The following EIF2S2 variants were observed in gnomAD, a reference collection of about 807,000 sequenced individuals.
The protein encoded by EIF2S2 is eukaryotic translation initiation factor 2 subunit 2.
Under a neutral mutation model 44.0 loss-of-function variants are expected in EIF2S2, and 4 were observed. That is an observed-to-expected ratio of 0.09 (90% confidence interval 0.04 to 0.21). The LOEUF is 0.21. Ranked by LOEUF, EIF2S2 falls within the 10% of genes least tolerant of loss-of-function variation. The probability of loss-of-function intolerance (pLI) is 1.00; values close to 1 mark genes in which losing one functional copy is unlikely to be tolerated. For synonymous variants in EIF2S2, 108 were observed against 128.3 expected (o/e 0.84, Z 1.07); for missense variants, 154 against 392.0 (o/e 0.39, Z 5.13).
chr20:34,106,728 C>T (rs558700552), intron 1 of EIF2S2, among the ~76,000 whole-genome samples: 1 of 152,194 alleles, frequency 6.6e-6, no homozygotes, highest in Non-Finnish European at 1.5e-5. Flanking sequence ...CATGCCTTGC[C>T]CCAAAATTCT....
chr20:34,091,115 A>G (rs2034157186), intron 7 of EIF2S2, among the ~76,000 whole-genome samples: 1 of 152,172 alleles, frequency 6.6e-6, no homozygotes, highest in Admixed American at 6.6e-5. Context: ...ATCAAATCCA[A>G]TTAAATCTCC....
intron 6 of EIF2S2, among the ~76,000 whole-genome samples, chr20:34,095,438 G>A (rs751979995): frequency 7.9e-5 from 12 of 151,494 alleles, no homozygotes; most frequent in Admixed American, 4.6e-4. Flanking sequence ...TCAGCCTCCC[G>A]AGTAGCGGGA....
At position 34,099,578 on chromosome 20, in the gene EIF2S2, C is replaced by G. The variant is rs552515122; in HGVS notation, c.298-945G>C. Among the ~76,000 whole-genome samples the G allele has an allele frequency of 1.6e-4, 25 of 152,292 alleles. No individual in the cohort carries two copies. In the East Asian group the frequency reaches 4.6e-3, roughly 28 times the overall value. On this transcript the variant is annotated intron_variant, in intron 3 of 8. Transcript: ENST00000374980. ...TCCTCCAGTTTATTTCAGACACACA[C>G]TATCCAGAGTTATCATCAGATTTCA...
chr20:34,092,937 C>T (rs2034184483), intron 7 of EIF2S2, among the ~76,000 whole-genome samples: 1 of 152,180 alleles, frequency 6.6e-6, no homozygotes, highest in South Asian at 2.1e-4. Context: ...CCAACTACAA[C>T]TTCACTTTAC....
At chr20:34,099,659 C>T (rs1461456428) in intron 3 of EIF2S2, among the ~76,000 whole-genome samples, 1 of 152,152 alleles carries the variant, frequency 6.6e-6, no homozygotes, top group East Asian at 1.9e-4. Flanking sequence ...CCAGTCACCA[C>T]GTATTGGGTT....
At chr20:34,101,392 C>A (rs1265431463) in intron 3 of EIF2S2, among the ~76,000 whole-genome samples, 1 of 152,118 alleles carries the variant, frequency 6.6e-6, no homozygotes, top group Admixed American at 6.5e-5. Context: ...ACCGAGATTG[C>A]GCCACTGCAC....
chr20:34,107,267 T>C (rs1601539889), intron 1 of EIF2S2, among the ~76,000 whole-genome samples: 1 of 152,256 alleles, frequency 6.6e-6, no homozygotes, highest in East Asian at 1.9e-4. Context: ...CTTACCAATC[T>C]CTCTCCATAT....
intron 4 of EIF2S2, among the ~76,000 whole-genome samples, chr20:34,097,943 T>A (rs1010491037): frequency 2.0e-5 from 3 of 152,096 alleles, no homozygotes; most frequent in Non-Finnish European, 4.4e-5. Flanking sequence ...GTTTAAAAAA[T>A]TTTTTTAATT....
intron 1 of EIF2S2, among the ~76,000 whole-genome samples, chr20:34,110,000 C>A (rs1257571334): frequency 2.0e-5 from 3 of 147,982 alleles, no homozygotes; most frequent in Non-Finnish European, 4.4e-5. Flanking sequence ...TCAGGAGAGG[C>A]TGAGGCAGGA....
rs140108373 is a variant in EIF2S2, at chr20:34,093,378, T to C, written c.740+297A>G. Among the ~76,000 whole-genome samples, 7 of 152,366 alleles carry C rather than the reference T, an allele frequency of 4.6e-5. No individual in the cohort carries two copies. The East Asian group carries it at 1.3e-3, about 29-fold the overall frequency. On this transcript the variant is annotated intron_variant, in intron 7 of 8. Transcript: ENST00000374980. ...AAAACCAATTCCTCTAAAAATCTAA[T>C]ATTTGCTCCATAAAAAGACTCAAGA...
chr20:34,096,930 C>G (rs1264797617), intron 5 of EIF2S2, 125 bp from the exon 6 acceptor site: 8 of 1,083,450 alleles, frequency 7.4e-6, no homozygotes, highest in Non-Finnish European at 1.1e-5. Flanking sequence ...TGCATTACTA[C>G]AAGTCTGGGA....
Position 34,098,483 on chromosome 20 carries a change from A to G in EIF2S2, c.433+15T>C, listed in dbSNP as rs2034257976. ...TGAGTAACCTCTAAATGTGCTGCTG[A>G]GTCCTCAGCATTACCTTCATCTTTC... On this transcript the variant is annotated intron_variant, in intron 4 of 8. Transcript: ENST00000374980. The G allele has an allele frequency of 6.2e-7, 1 of 1,612,028 alleles. No individual in the cohort carries two copies. The highest frequency in any genetic ancestry group is 8.5e-7 in the Non-Finnish European group (1 of 1,179,606).
At chr20:34,096,064 TC>T (rs544619680) in intron 6 of EIF2S2, among the ~76,000 whole-genome samples, 240 of 152,276 alleles carry the variant, frequency 1.6e-3, no homozygotes, top group African/African-American at 5.3e-3. Flanking sequence ...TCAGGCACTT[TC>T]CCTGAGCTCA....
chr20:34,106,380 A>C (rs1034938227), intron 1 of EIF2S2, among the ~76,000 whole-genome samples: 2 of 151,956 alleles, frequency 1.3e-5, no homozygotes, highest in Non-Finnish European at 2.9e-5. Flanking sequence ...AGTAAGAGAA[A>C]CCTCTATACA....
At chr20:34,095,766 TG>T (rs2034221334) in intron 6 of EIF2S2, among the ~76,000 whole-genome samples, 2 of 152,326 alleles carry the variant, frequency 1.3e-5, no homozygotes, top group South Asian at 4.1e-4. Flanking sequence ...TGACAACAAG[TG>T]GTTATCTCTG....
intron 3 of EIF2S2, 126 bp downstream of exon 3, chr20:34,103,336 C>T (rs1426516752): frequency 2.4e-6 from 3 of 1,273,390 alleles, no homozygotes; most frequent in Non-Finnish European, 2.1e-6. Context: ...ATGACGCTAC[C>T]AGTGGCAATT....
At chr20:34,111,984 T>G (rs2034419229) in intron 1 of EIF2S2, 112 bp downstream of exon 1, 4 of 1,203,656 alleles carry the variant, frequency 3.3e-6, no homozygotes, top group Non-Finnish European at 4.3e-6. Flanking sequence ...TAGGCGCGGC[T>G]GCCTCACATG....
intron 1 of EIF2S2, among the ~76,000 whole-genome samples, chr20:34,110,508 TG>T (rs1382670182): frequency 6.6e-6 from 1 of 152,192 alleles, no homozygotes; most frequent in African/African-American, 2.4e-5. Context: ...CACCCCTAAG[TG>T]GCCAAACTAA....
At chr20:34,092,250 A>G (rs1361855287) in intron 7 of EIF2S2, among the ~76,000 whole-genome samples, 2 of 152,212 alleles carry the variant, frequency 1.3e-5, no homozygotes, top group African/African-American at 2.4e-5. Context: ...ACTGGCCACA[A>G]CTTGTTATAA....
Sources: gnomAD v4.1 joint callset for allele counts (sites outside exome capture counted in the v4.1 genomes callset) on GRCh38, gnomAD v4.1.1 for gene constraint, MANE v1.5 for transcripts, NCBI Gene and HGNC (gene_info 2026-07-23, HGNC 2026-07-21) for gene names.